Variants in MSI2 observed in about 807,000 individuals in gnomAD.
MSI2 encodes musashi RNA binding protein 2, also known as RNA-binding protein Musashi homolog 2.
Under a neutral mutation model 45.6 loss-of-function variants are expected in MSI2, and 17 were observed. The ratio of observed to expected loss-of-function variants is 0.37; its 90% CI spans 0.26 to 0.56. The LOEUF is 0.56. Among genes scored for constraint, MSI2 ranks in the 20% least tolerant of loss-of-function variants. The pLI is 0.77. For missense variants in MSI2, 293 were observed against 444.2 expected, an observed-to-expected ratio of 0.66 and a Z score of 3.06; for synonymous variants, 156 against 158.2, an observed-to-expected ratio of 0.99 and a Z score of 0.11.
intron 5 of MSI2, among the ~76,000 whole-genome samples, chr17:57,313,609 G>A (rs1567751488): frequency 2.6e-5 from 4 of 152,238 alleles, no homozygotes; most frequent in African/African-American, 7.2e-5. Context: ...TGGCTGCCTA[G>A]TGGGAAACAA....
At chr17:57,354,030 G>T (rs1916237431) in intron 5 of MSI2, among the ~76,000 whole-genome samples, 1 of 152,044 alleles carries the variant, frequency 6.6e-6, no homozygotes, top group Non-Finnish European at 1.5e-5. Flanking sequence ...GACAATTATT[G>T]AGTACAGTTT....
intron 7 of MSI2, among the ~76,000 whole-genome samples, chr17:57,580,070 A>T (rs1019144358): frequency 6.6e-6 from 1 of 152,134 alleles, no homozygotes; most frequent in African/African-American, 2.4e-5. Context: ...TGTTCCAGAA[A>T]AAAAAAAAAA....
At chr17:57,260,486 G>T (rs1907205993) in intron 4 of MSI2, among the ~76,000 whole-genome samples, 1 of 152,026 alleles carries the variant, frequency 6.6e-6, no homozygotes, top group East Asian at 1.9e-4. Context: ...GATTGCAATT[G>T]TGTGCCGGCC....
At chr17:57,397,519 G>A (rs1273764189) in intron 5 of MSI2, among the ~76,000 whole-genome samples, 1 of 152,316 alleles carries the variant, frequency 6.6e-6, no homozygotes, top group East Asian at 1.9e-4. Flanking sequence ...TGAAAGTCAG[G>A]ACACAACATC....
intron 7 of MSI2, among the ~76,000 whole-genome samples, chr17:57,539,562 C>G (rs927533926): frequency 5.8e-5 from 1 of 17,140 alleles, no homozygotes; most frequent in South Asian, 1.6e-3. Context: ...AACGGTGGCA[C>G]GTGCCTGTAA....
intron 6 of MSI2, among the ~76,000 whole-genome samples, chr17:57,439,852 G>C (rs1409746873): frequency 6.6e-6 from 1 of 152,184 alleles, no homozygotes; most frequent in Non-Finnish European, 1.5e-5. Flanking sequence ...GAAGTCTTGG[G>C]ATAGTGTGTG....
At chr17:57,362,547 A>G (rs1444981398) in intron 5 of MSI2, among the ~76,000 whole-genome samples, 2 of 152,220 alleles carry the variant, frequency 1.3e-5, no homozygotes, top group Non-Finnish European at 2.9e-5. Context: ...AACTGTTGCA[A>G]CAGCATTTTC....
chr17:57,589,465 A>G (rs985479243), intron 7 of MSI2, among the ~76,000 whole-genome samples: 1 of 152,144 alleles, frequency 6.6e-6, no homozygotes, highest in Non-Finnish European at 1.5e-5. Flanking sequence ...CAGACCTTCC[A>G]AGTTTAGGGT....
At chr17:57,456,673 G>A (rs575096373) in intron 6 of MSI2, among the ~76,000 whole-genome samples, 108 of 152,240 alleles carry the variant, frequency 7.1e-4, no homozygotes, top group African/African-American at 2.5e-3. Flanking sequence ...TCTTGCTCAA[G>A]GGCTTTACCA....
At chr17:57,284,533 T>TA (rs1281801561) in intron 5 of MSI2, among the ~76,000 whole-genome samples, 2 of 152,208 alleles carry the variant, frequency 1.3e-5, no homozygotes, top group African/African-American at 4.8e-5. Context: ...CATATATATA[T>TA]TTTTAAGTGA....
intron 5 of MSI2, among the ~76,000 whole-genome samples, chr17:57,302,547 A>G (rs1423343801): frequency 1.3e-5 from 2 of 152,216 alleles, no homozygotes; most frequent in Non-Finnish European, 2.9e-5. Flanking sequence ...ATCCAGGCAC[A>G]CTTAAACACA....
chr17:57,408,723 A>C (rs932543779), intron 6 of MSI2, among the ~76,000 whole-genome samples: 1 of 152,176 alleles, frequency 6.6e-6, no homozygotes, highest in African/African-American at 2.4e-5. Context: ...CCCTAGATGT[A>C]GTTCAGTGGG....
chr17:57,612,002 T>G lies in MSI2; in HGVS notation c.538-3968T>G, dbSNP rs558943606. 3.1e-5 allele frequency among the ~76,000 whole-genome samples: 3 copies of G among 96,126 alleles called. 1 individual carries two copies. In the East Asian group the frequency reaches 7.9e-4, roughly 25 times the overall value. 63.1% of individuals were successfully genotyped at this position (96,126 alleles called of 152,430 possible). ...AGAGCATGTGACCAGATAGCCTAAGTACATGACTAGAACCGAAAAGATAGA... is the reference window on the plus strand; with the variant it reads ...AGAGCATGTGACCAGATAGCCTAAGGACATGACTAGAACCGAAAAGATAGA... On this transcript the variant is annotated intron_variant, in intron 8 of 13. Transcript: ENST00000284073.
intron 6 of MSI2, among the ~76,000 whole-genome samples, chr17:57,492,689 TC>T: frequency 6.6e-6 from 1 of 152,210 alleles, no homozygotes; most frequent in East Asian, 1.9e-4. Flanking sequence ...AACCTCTGCC[TC>T]CCGGGTTCAA....
intron 6 of MSI2, chr17:57,406,722 A>C (rs1843100923): frequency 1.3e-5 from 2 of 151,466 alleles, no homozygotes; most frequent in South Asian, 4.2e-4. Context: ...AGCTGAAACG[A>C]CTCTGCACCC....
intron 8 of MSI2, among the ~76,000 whole-genome samples, chr17:57,602,593 G>A (rs1008599297): frequency 6.6e-6 from 1 of 152,076 alleles, no homozygotes; most frequent in Admixed American, 6.5e-5. Context: ...GGTCTCAAGT[G>A]ATCCCCTTGC....
In MSI2 at chr17:57,684,305, GT is replaced by G. The variant is rs1394769100; in HGVS notation, c.*4791del. On this transcript the variant is annotated 3_prime_UTR_variant, in exon 14 of 14. Transcript: ENST00000284073. ...TATGTAATAGGATGCAAGTCTAAGC[GT>G]TTCATGTGGACATAAATGTATCTAA... The G allele has an allele frequency of 1.0e-5, 2 of 196,890 alleles. No homozygotes were observed. The highest frequency in any genetic ancestry group is 2.1e-5 in the Non-Finnish European group (2 of 94,972). The allele number at this position is 196,890 out of a possible 1,614,324, so 12.2% of individuals were successfully genotyped here.
chr17:57,417,147 C>T (rs9913566), intron 6 of MSI2, among the ~76,000 whole-genome samples: 22,951 of 152,190 alleles, frequency 0.15, 2,229 homozygotes, highest in East Asian at 0.28. Flanking sequence ...ATGGTGGCCG[C>T]TGAAGGCAGA....
chr17:57,632,169 T>C (rs1283164561), intron 10 of MSI2: 2 of 1,178,150 alleles, frequency 1.7e-6, no homozygotes, highest in Non-Finnish European at 2.1e-6. Flanking sequence ...AGACATCAAA[T>C]GTTTTTAAGT....
Sources: gnomAD v4.1 joint callset for allele counts (sites outside exome capture counted in the v4.1 genomes callset) on GRCh38, gnomAD v4.1.1 for gene constraint, MANE v1.5 for transcripts, NCBI Gene and HGNC (gene_info 2026-07-23, HGNC 2026-07-21) for gene names.